GPR89A: variants seen among roughly 807,000 people sequenced by gnomAD.
GPR89A encodes the protein golgi pH regulator A.
A neutral mutation model predicts 52.0 loss-of-function variants in GPR89A; 16 were observed. That is an observed-to-expected ratio of 0.31 (90% CI 0.21 to 0.47). The LOEUF is 0.47. Among genes scored for constraint, GPR89A ranks in the 20% least tolerant of loss-of-function variants. The pLI is 1.00. For synonymous variants in GPR89A, 55 were observed against 150.9 expected (o/e 0.36, Z 4.66); for missense variants, 135 against 449.4 (o/e 0.30, Z 6.33).
intron 5 of GPR89A, among the ~76,000 whole-genome samples, chr1:145,624,760 C>T (rs1462342260): frequency 7.3e-6 from 1 of 136,092 alleles, no homozygotes; most frequent in Non-Finnish European, 1.6e-5. Flanking sequence ...ACCTGCCACT[C>T]AGGGTCTATG....
chr1:145,641,672 A>G (rs1218401504), intron 7 of GPR89A, among the ~76,000 whole-genome samples: 1 of 152,190 alleles, frequency 6.6e-6, no homozygotes. Context: ...TCTGTTGTGC[A>G]CTACTACCAA....
intron 5 of GPR89A, among the ~76,000 whole-genome samples, chr1:145,629,148 A>G (rs1285065086): frequency 6.6e-6 from 1 of 152,140 alleles, no homozygotes; most frequent in East Asian, 1.9e-4. Flanking sequence ...GATTATCACT[A>G]GCAATATCCC....
chr1:145,658,223 G>A (rs1384327262), intron 10 of GPR89A, among the ~76,000 whole-genome samples: 10 of 151,688 alleles, frequency 6.6e-5, no homozygotes, highest in African/African-American at 2.4e-5. Flanking sequence ...TCATAGAGAC[G>A]AGTCTCACTA....
intron 10 of GPR89A, among the ~76,000 whole-genome samples, chr1:145,647,848 CTCCTCT>C (rs1651140387): frequency 5.8e-5 from 1 of 17,168 alleles, no homozygotes; most frequent in African/African-American, 2.9e-4. Flanking sequence ...CTCTCTCCTC[CTCCTCT>C]CTCTCTCTCT....
chr1:145,637,679 T>C (rs1317985431), intron 7 of GPR89A, among the ~76,000 whole-genome samples: 2 of 151,512 alleles, frequency 1.3e-5, no homozygotes, highest in Non-Finnish European at 2.9e-5. Flanking sequence ...AACAAAGACT[T>C]GAAAGTAACC....
chr1:145,621,521 C>A (rs1391998649), intron 3 of GPR89A, among the ~76,000 whole-genome samples: 1 of 150,814 alleles, frequency 6.6e-6, no homozygotes, highest in Non-Finnish European at 1.5e-5. Context: ...TTCATTTCAT[C>A]ATCCTGTATT....
chr1:145,654,329 A>T (rs1173069642), intron 10 of GPR89A, among the ~76,000 whole-genome samples: 1 of 151,914 alleles, frequency 6.6e-6, no homozygotes, highest in Non-Finnish European at 1.5e-5. Context: ...CGAGGCGGGC[A>T]GATCACGAGG....
chr1:145,642,255 ACTATTAAATGAGTGGAAT>A (rs1650702828), intron 7 of GPR89A, among the ~76,000 whole-genome samples: 1 of 151,974 alleles, frequency 6.6e-6, no homozygotes, highest in Non-Finnish European at 1.5e-5. Flanking sequence ...GCTGAAATGA[ACTATTAAATGAGTGGAAT>A]AGAACCCTTG....
Position 145,634,086 on chromosome 1 carries a change from T to TTG in GPR89A, c.617+2343_617+2344insGT, listed in dbSNP as rs1405267032. Among the ~76,000 whole-genome samples, 847 of 151,168 alleles carry TTG rather than the reference T, an allele frequency of 5.6e-3. 4 individuals carry two copies. Among genetic ancestry groups the TTG allele is most frequent in the Non-Finnish European group, 8.4e-3 (565 of 67,662 alleles). ...AATGGAATATTGTCTATTGTGTTTT[T>TTG]TTTTTTTTTTTAAGACGGAGTCTCA... On this transcript the variant is annotated intron_variant, in intron 7 of 13. Coordinates refer to ENST00000313835, the MANE Select transcript of GPR89A (RefSeq NM_001097612.2).
intron 12 of GPR89A, among the ~76,000 whole-genome samples, chr1:145,666,827 G>A (rs1202283202): frequency 6.6e-6 from 1 of 151,342 alleles, no homozygotes; most frequent in East Asian, 1.9e-4. Flanking sequence ...CCTTGCGATA[G>A]TTTGCTGAGA....
At chr1:145,617,735 A>G (rs587745427) in intron 2 of GPR89A, among the ~76,000 whole-genome samples, 2 of 152,110 alleles carry the variant, frequency 1.3e-5, no homozygotes, top group East Asian at 3.9e-4. Context: ...TGTTGTTTTT[A>G]TCTTAAGCTT....
chr1:145,619,737 C>T (rs1465824753), intron 3 of GPR89A, among the ~76,000 whole-genome samples: 4 of 152,170 alleles, frequency 2.6e-5, no homozygotes, highest in African/African-American at 9.7e-5. Flanking sequence ...AAACCTTGGC[C>T]GGGCACGGTG....
At chr1:145,627,940 C>T (rs1218731750) in intron 5 of GPR89A, among the ~76,000 whole-genome samples, 2 of 150,416 alleles carry the variant, frequency 1.3e-5, no homozygotes, top group African/African-American at 2.5e-5. Flanking sequence ...GGAAAGTAAT[C>T]GTATAGTGTA....
chr1:145,632,926 T>C (rs1649982047), intron 7 of GPR89A, among the ~76,000 whole-genome samples: 1 of 152,096 alleles, frequency 6.6e-6, no homozygotes, highest in Non-Finnish European at 1.5e-5. Context: ...TTTGCCCCTT[T>C]GATAGTAGTC....
At chr1:145,619,504 C>T (rs1372106285) in intron 3 of GPR89A, among the ~76,000 whole-genome samples, 13 of 151,842 alleles carry the variant, frequency 8.6e-5, no homozygotes, top group Non-Finnish European at 1.8e-4. Flanking sequence ...GCCAGCTACC[C>T]TGGAGGCTGA....
intron 12 of GPR89A, among the ~76,000 whole-genome samples, chr1:145,667,091 G>A (rs1366128336): frequency 9.9e-5 from 15 of 152,236 alleles, no homozygotes; most frequent in African/African-American, 3.1e-4. Context: ...AATCCTTTGG[G>A]TATATACCCA....
chr1:145,624,551 G>A (rs1248904441), intron 5 of GPR89A, among the ~76,000 whole-genome samples: 4 of 151,124 alleles, frequency 2.6e-5, no homozygotes, highest in Admixed American at 6.6e-5. Flanking sequence ...CCATCCTGCC[G>A]TACCTATTAC....
At chr1:145,617,457 A>C (rs1398064736) in intron 2 of GPR89A, among the ~76,000 whole-genome samples, 1 of 151,698 alleles carries the variant, frequency 6.6e-6, no homozygotes, top group Non-Finnish European at 1.5e-5. Context: ...GGTGACATAC[A>C]TCCTCAGTTT....
chr1:145,645,749 G>A (rs1309655054), intron 8 of GPR89A: 2 of 454,840 alleles, frequency 4.4e-6, no homozygotes, highest in Non-Finnish European at 8.8e-6. Context: ...AGAAGGTAAT[G>A]TCTGTAAATC....
Sources: gnomAD v4.1 joint callset for allele counts (sites outside exome capture counted in the v4.1 genomes callset) on GRCh38, gnomAD v4.1.1 for gene constraint, MANE v1.5 for transcripts, NCBI Gene and HGNC (gene_info 2026-07-23, HGNC 2026-07-21) for gene names.